Variants in SCN9A observed in about 807,000 individuals in gnomAD.
The protein encoded by SCN9A is sodium voltage-gated channel alpha subunit 9.
SCN9A carries 131 observed loss-of-function variants against 187.0 expected under a neutral mutation model. The observed-to-expected ratio is 0.70, with a 90% CI of 0.61 to 0.81. The LOEUF (loss-of-function observed/expected upper bound fraction) is 0.81. Among genes scored for constraint, SCN9A ranks in the 30% least tolerant of loss-of-function variants. SCN9A has a pLI of 0.00. For synonymous variants in SCN9A, 809 were observed against 808.6 expected, an observed-to-expected ratio of 1.00 and a Z score of -0.01; for missense variants, 2,252 against 2,396.6, an observed-to-expected ratio of 0.94 and a Z score of 1.26.
At chr2:166,328,977 A>G (rs981867756) in intron 1 of SCN9A, among the ~76,000 whole-genome samples, 1 of 152,166 alleles carries the variant, frequency 6.6e-6, no homozygotes, top group African/African-American at 2.4e-5. Flanking sequence ...TGTTGTGTAG[A>G]AAACACCATC....
chr2:166,285,874 T>C (rs1372763522), intron 11 of SCN9A, among the ~76,000 whole-genome samples: 1 of 152,102 alleles, frequency 6.6e-6, no homozygotes, highest in African/African-American at 2.4e-5. Context: ...GTAGTTGATG[T>C]GGTTGGGGGT....
At chr2:166,257,487 C>T (rs1337447580) in intron 17 of SCN9A, among the ~76,000 whole-genome samples, 1 of 151,498 alleles carries the variant, frequency 6.6e-6, no homozygotes, top group Non-Finnish European at 1.5e-5. Flanking sequence ...ATGTGGATTT[C>T]TAATATTGAA....
intron 1 of SCN9A, among the ~76,000 whole-genome samples, chr2:166,373,195 T>G (rs1700605594): frequency 6.6e-6 from 1 of 152,056 alleles, no homozygotes; most frequent in Admixed American, 6.5e-5. Flanking sequence ...TCTGGTGAGG[T>G]TGGAGAGAAG....
intron 1 of SCN9A, among the ~76,000 whole-genome samples, chr2:166,349,771 G>A (rs148241180): frequency 0.016 from 2,421 of 152,098 alleles, 67 homozygotes; most frequent in African/African-American, 0.055. Flanking sequence ...TCGGGAGTTC[G>A]AGACCAGTCT....
intron 26 of SCN9A, among the ~76,000 whole-genome samples, chr2:166,201,249 TATAC>T (rs1427140242): frequency 2.1e-5 from 3 of 141,178 alleles, no homozygotes; most frequent in Non-Finnish European, 3.0e-5. Context: ...CAGTATATAG[TATAC>T]ATATACTATA....
intron 9 of SCN9A, among the ~76,000 whole-genome samples, chr2:166,290,226 T>A (rs1697981927): frequency 6.6e-6 from 1 of 152,162 alleles, no homozygotes; most frequent in Non-Finnish European, 1.5e-5. Context: ...TTCATCCATG[T>A]CCCTGTAAAG....
At chr2:166,247,209 C>T (rs1271618401) in intron 18 of SCN9A, among the ~76,000 whole-genome samples, 1 of 144,392 alleles carries the variant, frequency 6.9e-6, no homozygotes, top group East Asian at 2.0e-4. Flanking sequence ...AACCACTGAC[C>T]ACTTCAAAAG....
Position 166,304,224 on chromosome 2 carries a change from C to G in SCN9A, c.688+14G>C. On this transcript the variant is annotated intron_variant, in intron 6 of 26. Transcript: ENST00000642356. ...TTATGAGTGGCCTAATGCTTCACAC[C>G]AATTACTTCTTACCTGGGATTACAG... 1 of 1,612,020 alleles carries G rather than the reference C, an allele frequency of 6.2e-7. No individual in the cohort carries two copies. Among genetic ancestry groups the G allele is most frequent in the South Asian group, 1.1e-5 (1 of 91,016 alleles).
At chr2:166,229,299 A>G (rs1226524776) in intron 21 of SCN9A, among the ~76,000 whole-genome samples, 1 of 152,098 alleles carries the variant, frequency 6.6e-6, no homozygotes, top group East Asian at 1.9e-4. Flanking sequence ...TAAAAATAAT[A>G]AACCAAAACC....
intron 24 of SCN9A, among the ~76,000 whole-genome samples, chr2:166,212,198 C>T (rs553790823): frequency 6.6e-6 from 1 of 152,250 alleles, no homozygotes; most frequent in African/African-American, 2.4e-5. Flanking sequence ...TGCTTAAGTC[C>T]CACAGTCAGT....
At position 166,199,665 on chromosome 2, in the gene SCN9A, G is replaced by A. The variant is rs757858235; in HGVS notation, c.4974C>T (p.Tyr1658=). 1.3e-5 allele frequency: 21 copies of A among 1,613,990 alleles called. No homozygotes were observed. The highest frequency in any genetic ancestry group is 5.5e-5 in the South Asian group (5 of 91,072). The stretch of plus-strand genomic sequence containing the variant: ...CAAAGTTGGACATTCCAAAGATGGC[G>A]TAGATGAACATGACCAGGAAGAGCA... The part of the protein sequence containing the change: ...GLLLFLVMFI[Y]AIFGMSNFAY... Residue 1658 remains tyrosine, a synonymous_variant, in exon 27 of 27, where the codon TAC becomes TAT. Transcript: ENST00000642356.
chr2:166,305,494 C>T (rs1324467605), intron 5 of SCN9A, among the ~76,000 whole-genome samples: 1 of 152,024 alleles, frequency 6.6e-6, no homozygotes, highest in Non-Finnish European at 1.5e-5. Flanking sequence ...CATTTTTAAA[C>T]AAGAACTTGG....
chr2:166,306,845 A>C, intron 3 of SCN9A, 111 bp downstream of exon 3: 1 of 665,842 alleles, frequency 1.5e-6, no homozygotes. Context: ...AAATTAATAA[A>C]CTAAAACCAG....
intron 18 of SCN9A, among the ~76,000 whole-genome samples, chr2:166,244,043 A>G (rs888195742): frequency 2.6e-5 from 4 of 152,062 alleles, no homozygotes; most frequent in African/African-American, 9.7e-5. Flanking sequence ...GAAAGGAAGG[A>G]TCCCAGGACT....
chr2:166,340,701 G>A (rs901037802), intron 1 of SCN9A, among the ~76,000 whole-genome samples: 3 of 151,438 alleles, frequency 2.0e-5, no homozygotes, highest in African/African-American at 7.3e-5. Flanking sequence ...GCTCACTGCA[G>A]CCTCCACCTC....
intron 1 of SCN9A, among the ~76,000 whole-genome samples, chr2:166,322,164 C>G (rs1041541659): frequency 1.3e-5 from 2 of 152,128 alleles, no homozygotes; most frequent in Non-Finnish European, 2.9e-5. Flanking sequence ...TTAGAAAACA[C>G]TTTTTTAAAA....
At chr2:166,358,691 G>C (rs758784984) in intron 1 of SCN9A, among the ~76,000 whole-genome samples, 2 of 152,110 alleles carry the variant, frequency 1.3e-5, no homozygotes, top group East Asian at 3.9e-4. Context: ...CCTTTCTCCA[G>C]TGGCTCCTGT....
intron 1 of SCN9A, among the ~76,000 whole-genome samples, chr2:166,335,754 A>C (rs1482597189): frequency 1.3e-5 from 2 of 151,994 alleles, no homozygotes; most frequent in African/African-American, 4.8e-5. Flanking sequence ...AGAATTTCAC[A>C]GATTTAGCTG....
intron 1 of SCN9A, among the ~76,000 whole-genome samples, chr2:166,313,673 GCT>G (rs1699034927): frequency 6.6e-6 from 1 of 152,078 alleles, no homozygotes; most frequent in Non-Finnish European, 1.5e-5. Context: ...TTGCAATAAG[GCT>G]GTTTTGTTTT....
Sources: gnomAD v4.1 joint callset for allele counts (sites outside exome capture counted in the v4.1 genomes callset) on GRCh38, gnomAD v4.1.1 for gene constraint, MANE v1.5 for transcripts, NCBI Gene and HGNC (gene_info 2026-07-23, HGNC 2026-07-21) for gene names.